Variants in TENM3 observed in about 807,000 individuals in gnomAD.
The protein encoded by TENM3 is teneurin transmembrane protein 3.
TENM3 carries 63 observed loss-of-function variants against 255.1 expected under a neutral mutation model. That is an observed-to-expected ratio of 0.25 (90% CI 0.20 to 0.30). The LOEUF is 0.30. Ranked by LOEUF, TENM3 falls within the 10% of genes least tolerant of loss-of-function variation. The pLI is 1.00. For synonymous variants in TENM3, 1,306 were observed against 1,322.3 expected, an observed-to-expected ratio of 0.99 and a Z score of 0.27; for missense variants, 2,929 against 3,461.1, an observed-to-expected ratio of 0.85 and a Z score of 3.86.
Position 182,247,407 on chromosome 4 carries a change from C to T in TENM3, c.-76+3931C>T, listed in dbSNP as rs544128812. On this transcript the variant is annotated intron_variant, in intron 1 of 27. Coordinates refer to ENST00000511685, the MANE Select transcript of TENM3 (RefSeq NM_001080477.4). Reference sequence around the variant, plus strand: ...ACAGATGATGGTTCCATAGAGTGGCCCTCAGACCATTGAAAGGGGCCATGG... The same window carrying T: ...ACAGATGATGGTTCCATAGAGTGGCTCTCAGACCATTGAAAGGGGCCATGG... Among the ~76,000 whole-genome samples the T allele has an allele frequency of 2.0e-5, 3 of 152,196 alleles. No homozygotes were observed. The East Asian group carries it at 5.8e-4, about 29-fold the overall frequency.
the TENM3 span, among the ~76,000 whole-genome samples, chr4:181,633,946 A>G: frequency 2.3e-4 from 35 of 151,352 alleles, 2 homozygotes; most frequent in Middle Eastern, 3.4e-3. Flanking sequence ...CATTTTTTTC[A>G]GGGAAAGGGA....
chr4:182,454,564 G>A (rs1773722182), intron 3 of TENM3, among the ~76,000 whole-genome samples: 3 of 152,044 alleles, frequency 2.0e-5, no homozygotes, highest in Non-Finnish European at 4.4e-5. Flanking sequence ...TTTAGCAGTG[G>A]GAATAATGTT....
the TENM3 span, among the ~76,000 whole-genome samples, chr4:181,630,976 A>G: frequency 6.6e-6 from 1 of 152,192 alleles, no homozygotes; most frequent in African/African-American, 2.4e-5. Context: ...CAGTTTTGTG[A>G]ACTCAGGGCA....
At chr4:182,609,322 C>T (rs1254641169) in intron 4 of TENM3, among the ~76,000 whole-genome samples, 2 of 152,220 alleles carry the variant, frequency 1.3e-5, no homozygotes, top group Non-Finnish European at 2.9e-5. Context: ...AATTAATATA[C>T]ACCCTGTCAA....
Position 182,447,691 on chromosome 4 carries a change from G to C in TENM3, c.511+100762G>C, listed in dbSNP as rs115015104. 8.6e-3 allele frequency among the ~76,000 whole-genome samples: 1,304 copies of C among 152,256 alleles called. 24 individuals are homozygous for C. The highest frequency in any genetic ancestry group is 0.03 in the African/African-American group (1,230 of 41,554). ...GTAGTTAAAATATGGAATGAGAGCT[G>C]ATAAAGATATGTTGTTGATACTGGT... On this transcript the variant is annotated intron_variant, in intron 3 of 27. Transcript: ENST00000511685.
the TENM3 span, among the ~76,000 whole-genome samples, chr4:181,810,893 A>G: frequency 1 from 152,191 of 152,214 alleles, 76,084 homozygotes; most frequent in Middle Eastern, 1. Flanking sequence ...ATGATGTAGC[A>G]TCCCAGCTTC....
At chr4:181,962,477 G>T in the TENM3 span, among the ~76,000 whole-genome samples, 9 of 152,298 alleles carry the variant, frequency 5.9e-5, no homozygotes, top group East Asian at 1.5e-3. Flanking sequence ...AACTTGAAGT[G>T]GATACCATGC....
chr4:182,775,214 G>A lies in TENM3; in HGVS notation c.5304+61G>A, dbSNP rs1048085225. ...CCCTCTGATCTGTGCAGATCATCCT[G>A]AGGGCAGGTTGCGTCTCCTGCTCAC... On this transcript the variant is annotated intron_variant, in intron 24 of 27. Transcript: ENST00000511685. The A allele has an allele frequency of 4.6e-6, 7 of 1,510,986 alleles. No individual in the cohort carries two copies. In the African/African-American group the frequency reaches 5.5e-5, roughly 12 times the overall value. 93.6% of individuals were successfully genotyped at this position (1,510,986 alleles called of 1,614,324 possible).
chr4:182,233,184 G>A (rs1453891868), intron 1 of TENM3, among the ~76,000 whole-genome samples: 1 of 152,142 alleles, frequency 6.6e-6, no homozygotes, highest in East Asian at 1.9e-4. Flanking sequence ...GAGCCGGAGA[G>A]CCCCAAACAG....
the TENM3 span, among the ~76,000 whole-genome samples, chr4:181,449,579 T>C: frequency 6.6e-6 from 1 of 151,934 alleles, no homozygotes; most frequent in South Asian, 2.1e-4. Flanking sequence ...AGGTCAGGAG[T>C]TCGAGACCAG....
chr4:182,143,935 A>AAGGAGGGAGGGG (rs1197613785), upstream of TENM3: 5 of 152,682 alleles, frequency 3.3e-5, no homozygotes, highest in East Asian at 9.7e-4. The surrounding 1 kb of genome is among the most constrained non-coding windows in gnomAD (Gnocchi z 4.3). Flanking sequence ...GGGAGGAGGG[A>AAGGAGGGAGGGG]AGGAGGGAGG....
chr4:182,421,309 T>G (rs747158827), intron 3 of TENM3, among the ~76,000 whole-genome samples: 2 of 152,106 alleles, frequency 1.3e-5, no homozygotes, highest in Non-Finnish European at 2.9e-5. Flanking sequence ...AAGTGAGGGC[T>G]TAGAGAGATT....
intron 12 of TENM3, among the ~76,000 whole-genome samples, chr4:182,709,965 C>T (rs1209913192): frequency 6.6e-6 from 1 of 152,126 alleles, no homozygotes; most frequent in East Asian, 1.9e-4. Context: ...TTCTGGTGAC[C>T]CAAAGACCTA....
At position 182,572,108 on chromosome 4, in the gene TENM3, G is replaced by A. The variant is rs183302596; in HGVS notation, c.512-28816G>A. Among the ~76,000 whole-genome samples the A allele has an allele frequency of 1.9e-3, 288 of 152,212 alleles. 1 individual carries two copies. Among genetic ancestry groups the A allele is most frequent in the African/African-American group, 6.5e-3 (270 of 41,526 alleles). On this transcript the variant is annotated intron_variant, in intron 3 of 27. Coordinates refer to ENST00000511685, the MANE Select transcript of TENM3 (RefSeq NM_001080477.4). ...GTAAAAACGGGGTTTCACCGTGTTG[G>A]CCAGGCTGGTCTGGAACTCCTGACC...
intron 1 of TENM3, among the ~76,000 whole-genome samples, chr4:182,196,716 A>C (rs1045793522): frequency 6.6e-6 from 1 of 152,194 alleles, no homozygotes; most frequent in African/African-American, 2.4e-5. Flanking sequence ...CTTTAAGAAA[A>C]GTTGTGATCA....
At chr4:182,106,803 T>C in the TENM3 span, among the ~76,000 whole-genome samples, 1 of 152,166 alleles carries the variant, frequency 6.6e-6, no homozygotes, top group Admixed American at 6.5e-5. Context: ...AGCATCAGTA[T>C]CAGCTGTGGG....
chr4:181,919,720 T>A, the TENM3 span, among the ~76,000 whole-genome samples: 50 of 151,458 alleles, frequency 3.3e-4, no homozygotes, highest in East Asian at 6.0e-3. Flanking sequence ...TACAGAAAAA[T>A]TTTTTTTTAA....
At chr4:181,552,265 C>T in the TENM3 span, among the ~76,000 whole-genome samples, 3 of 152,162 alleles carry the variant, frequency 2.0e-5, no homozygotes, top group Admixed American at 6.5e-5. Flanking sequence ...ACTCTTCATT[C>T]TTTGGCAGAA....
the TENM3 span, among the ~76,000 whole-genome samples, chr4:181,949,665 C>G: frequency 6.6e-6 from 1 of 152,166 alleles, no homozygotes; most frequent in Non-Finnish European, 1.5e-5. Flanking sequence ...GCCTGCCATT[C>G]TCTACGTATC....
Sources: gnomAD v4.1 joint callset for allele counts (sites outside exome capture counted in the v4.1 genomes callset) on GRCh38, gnomAD v4.1.1 for gene constraint, Gnocchi (gnomAD v3.1) non-coding constraint, MANE v1.5 for transcripts, NCBI Gene and HGNC (gene_info 2026-07-23, HGNC 2026-07-21) for gene names.